PIP5K1B: variants seen among roughly 807,000 people sequenced by gnomAD.
PIP5K1B encodes the protein phosphatidylinositol-4-phosphate 5-kinase type 1 beta.
A neutral mutation model predicts 67.0 loss-of-function variants in PIP5K1B; 42 were observed. The ratio of observed to expected loss-of-function variants is 0.63; its 90% CI spans 0.49 to 0.81. The LOEUF is 0.81. Ranked by LOEUF, PIP5K1B falls within the 30% of genes least tolerant of loss-of-function variation. PIP5K1B has a pLI of 0.00. For missense variants in PIP5K1B, 459 were observed against 646.3 expected (o/e 0.71, Z 3.14); for synonymous variants, 214 against 231.4 (o/e 0.92, Z 0.68).
At chr9:68,787,203 G>A (rs537450680) in intron 2 of PIP5K1B, among the ~76,000 whole-genome samples, 12 of 152,170 alleles carry the variant, frequency 7.9e-5, no homozygotes, top group Non-Finnish European at 1.5e-5. Flanking sequence ...AGGGAAGGAA[G>A]CATTTTAGGC....
intron 2 of PIP5K1B, chr9:68,784,057 T>C (rs1232402626): frequency 6.0e-6 from 1 of 167,122 alleles, no homozygotes. Flanking sequence ...TAGATCCTTT[T>C]CCCCGAAGGT....
At chr9:68,853,666 C>T (rs546159165) in intron 4 of PIP5K1B, among the ~76,000 whole-genome samples, 1 of 152,198 alleles carries the variant, frequency 6.6e-6, no homozygotes, top group Non-Finnish European at 1.5e-5. Context: ...CATTGGAGGA[C>T]ACTGAGCTCT....
At chr9:68,970,100 G>A (rs1280286990) in intron 14 of PIP5K1B, among the ~76,000 whole-genome samples, 1 of 152,206 alleles carries the variant, frequency 6.6e-6, no homozygotes, top group Non-Finnish European at 1.5e-5. Context: ...CAGATAGGTA[G>A]TAGCAGAATC....
At chr9:68,825,692 T>C (rs1833943320) in intron 4 of PIP5K1B, among the ~76,000 whole-genome samples, 1 of 151,798 alleles carries the variant, frequency 6.6e-6, no homozygotes, top group Non-Finnish European at 1.5e-5. Context: ...ATGCTAGGAG[T>C]GAGAAATATA....
chr9:68,954,480 ACTC>A (rs1296151665), intron 14 of PIP5K1B, among the ~76,000 whole-genome samples: 2 of 152,044 alleles, frequency 1.3e-5, no homozygotes, highest in African/African-American at 4.8e-5. Flanking sequence ...ACAATTCCTG[ACTC>A]CTTGTTCAGG....
rs1475180974 is a variant in PIP5K1B at position 68,798,065 on chromosome 9, C to T, written c.-85-20396C>T. ...CATCCATGGTGGTTTTTTTTCATTC[C>T]CCGTGGAGTTCCACTTGATAGCCAA... On this transcript the variant is annotated intron_variant, in intron 2 of 15. Coordinates refer to ENST00000265382, the MANE Select transcript of PIP5K1B (RefSeq NM_003558.4). 4.0e-5 allele frequency among the ~76,000 whole-genome samples: 6 copies of T among 150,982 alleles called. No homozygotes were observed. The East Asian group carries it at 1.2e-3, about 29-fold the overall frequency.
At chr9:68,761,708 C>T (rs1039933299) in intron 2 of PIP5K1B, among the ~76,000 whole-genome samples, 9 of 152,126 alleles carry the variant, frequency 5.9e-5, no homozygotes, top group South Asian at 2.1e-4. Flanking sequence ...TTTCTCACAT[C>T]ATACCATTTG....
chr9:69,001,926 A>G (rs1410554067), intron 15 of PIP5K1B, among the ~76,000 whole-genome samples: 3 of 152,364 alleles, frequency 2.0e-5, no homozygotes, highest in Non-Finnish European at 4.4e-5. Context: ...CAAATTAATC[A>G]GTCAGGGAGC....
At chr9:68,847,511 G>A (rs1053367856) in intron 4 of PIP5K1B, among the ~76,000 whole-genome samples, 5 of 150,378 alleles carry the variant, frequency 3.3e-5, no homozygotes, top group African/African-American at 1.2e-4. Flanking sequence ...GAGGGTGGAG[G>A]TTGCTGAGGG....
chr9:68,973,384 G>T lies in PIP5K1B; in HGVS notation c.1503-17756G>T, dbSNP rs6560467. Among the ~76,000 whole-genome samples, 133 of 152,204 alleles carry T rather than the reference G, an allele frequency of 8.7e-4. 1 individual carries two copies. In the East Asian group the frequency reaches 0.023, roughly 26 times the overall value. On this transcript the variant is annotated intron_variant, in intron 14 of 15. Transcript: ENST00000265382. The stretch of plus-strand genomic sequence containing the variant: ...GCCATTAAGAAATTTTATGTAAATA[G>T]GATTTAGATATACCTATGAAAGATA...
chr9:68,765,066 G>T (rs908493180), intron 2 of PIP5K1B, among the ~76,000 whole-genome samples: 1 of 152,016 alleles, frequency 6.6e-6, no homozygotes, highest in Non-Finnish European at 1.5e-5. Flanking sequence ...TCATTATCTT[G>T]AATTCACTTG....
intron 14 of PIP5K1B, among the ~76,000 whole-genome samples, chr9:68,961,926 C>T (rs1023215357): frequency 2.0e-5 from 3 of 152,188 alleles, no homozygotes; most frequent in Admixed American, 1.3e-4. Context: ...GACTTTCAAC[C>T]ACAGATACTT....
At chr9:68,720,341 A>G (rs1185810669) in intron 1 of PIP5K1B, among the ~76,000 whole-genome samples, 1 of 152,154 alleles carries the variant, frequency 6.6e-6, no homozygotes, top group East Asian at 1.9e-4. Flanking sequence ...AGTCTAGACC[A>G]ATTTAATAAC....
intron 5 of PIP5K1B, among the ~76,000 whole-genome samples, chr9:68,875,528 A>G (rs757943791): frequency 3.9e-5 from 6 of 152,158 alleles, no homozygotes; most frequent in Non-Finnish European, 8.8e-5. Flanking sequence ...CTCAACAAAT[A>G]CTTATTGAGT....
At chr9:68,914,854 A>C (rs2132502374) in intron 8 of PIP5K1B, among the ~76,000 whole-genome samples, 1 of 152,344 alleles carries the variant, frequency 6.6e-6, no homozygotes, top group Non-Finnish European at 1.5e-5. Context: ...TGCCAGAATG[A>C]CACTGGTAAG....
intron 8 of PIP5K1B, among the ~76,000 whole-genome samples, chr9:68,912,492 G>A (rs992115695): frequency 1.3e-5 from 2 of 152,292 alleles, no homozygotes; most frequent in Middle Eastern, 3.4e-3. Context: ...CGATTCTGCA[G>A]GTGGAGGAAT....
At chr9:68,854,422 AC>A (rs1822664902) in intron 4 of PIP5K1B, among the ~76,000 whole-genome samples, 1 of 152,126 alleles carries the variant, frequency 6.6e-6, no homozygotes, top group Admixed American at 6.6e-5. Flanking sequence ...AAGCCACCAT[AC>A]CTGGACAGGA....
intron 13 of PIP5K1B, among the ~76,000 whole-genome samples, chr9:68,939,674 G>T (rs1319280879): frequency 6.6e-6 from 1 of 152,196 alleles, no homozygotes; most frequent in East Asian, 1.9e-4. Context: ...TCCCAGACTA[G>T]AGTCCAGCCT....
Position 68,734,331 on chromosome 9 carries a change from G to C in PIP5K1B, c.-242-8170G>C, listed in dbSNP as rs555825728. 2.6e-5 allele frequency among the ~76,000 whole-genome samples: 4 copies of C among 152,312 alleles called. No individual in the cohort carries two copies. In the East Asian group the frequency reaches 7.7e-4, roughly 29 times the overall value. On this transcript the variant is annotated intron_variant, in intron 1 of 15. Coordinates refer to ENST00000265382, the MANE Select transcript of PIP5K1B (RefSeq NM_003558.4). ...TGCCTGGGAACTCAAAGTGAGACAG[G>C]TTTTATTAGAGTTCAGAGGAGAGAA...
Sources: allele counts gnomAD v4.1 joint callset (sites outside exome capture counted in the v4.1 genomes callset), GRCh38; gene constraint gnomAD v4.1.1; transcripts MANE v1.5; gene names NCBI Gene and HGNC (gene_info 2026-07-23, HGNC 2026-07-21).